The following ACAD9 variants were observed in gnomAD, a reference collection of about 807,000 sequenced individuals.
The protein encoded by ACAD9 is complex I assembly factor ACAD9, mitochondrial.
A neutral mutation model predicts 70.2 loss-of-function variants in ACAD9; 53 were observed. The observed-to-expected ratio is 0.75, with a 90% CI of 0.61 to 0.95. The LOEUF (loss-of-function observed/expected upper bound fraction) is 0.95, where lower values mean the gene tolerates loss of function less well. ACAD9 is among the 40% of genes least tolerant of loss of function. ACAD9 has a pLI of 0.00. For synonymous variants in ACAD9, 313 were observed against 312.1 expected (o/e 1.00, Z -0.03); for missense variants, 777 against 802.8 (o/e 0.97, Z 0.39).
At chr3:128,905,484 A>G (rs916581204) in intron 11 of ACAD9, among the ~76,000 whole-genome samples, 2 of 152,256 alleles carry the variant, frequency 1.3e-5, no homozygotes, top group Non-Finnish European at 2.9e-5. Flanking sequence ...AGCTTACAGA[A>G]GCAAACATCC....
intron 4 of ACAD9, among the ~76,000 whole-genome samples, chr3:128,895,657 C>A (rs1935549927): frequency 6.6e-6 from 1 of 152,192 alleles, no homozygotes; most frequent in South Asian, 2.1e-4. Context: ...GTCCCCATTG[C>A]CTCTGATCCA....
intron 5 of ACAD9, 39 bp from the exon 6 acceptor site, chr3:128,897,593 C>T: frequency 6.3e-7 from 1 of 1,586,586 alleles, no homozygotes; most frequent in South Asian, 1.1e-5. Context: ...ATATTTATTC[C>T]CAGTATTCTC....
At chr3:128,896,055 T>C (rs1365070264) in intron 4 of ACAD9, among the ~76,000 whole-genome samples, 4 of 152,230 alleles carry the variant, frequency 2.6e-5, no homozygotes, top group Non-Finnish European at 5.9e-5. Context: ...CTCCTGTGTC[T>C]TCACATTGCA....
Position 128,902,602 on chromosome 3 carries a change from T to G in ACAD9, c.932T>G (p.Val311Gly), listed in dbSNP as rs1275790197. The G allele has an allele frequency of 6.2e-7, 1 of 1,614,046 alleles. No individual in the cohort carries two copies. The highest frequency in any genetic ancestry group is 1.7e-5 in the Admixed American group (1 of 60,012). The stretch of plus-strand genomic sequence containing the variant: ...GGCCGGTTCAGCATGGGCAGCGTCG[T>G]GGCTGGGCTGCTCAAGAGATTGATT... ...NSGRFSMGSV[V>G]AGLLKRLIEM... Residue 311 changes from valine to glycine, a missense_variant, in exon 9 of 18, where the codon GTG becomes GGG. By Grantham distance (109) the Val-to-Gly change is moderately radical. Transcript: ENST00000308982. The surrounding 1 kb of genome is among the most constrained non-coding windows in gnomAD (Gnocchi z 4.0).
intron 8 of ACAD9, 71 bp downstream of exon 8, chr3:128,901,420 C>G: frequency 6.5e-7 from 1 of 1,532,866 alleles, no homozygotes; most frequent in Non-Finnish European, 9.0e-7. Flanking sequence ...CAGCTTTTGC[C>G]CTATCCCTGC....
At chr3:128,880,386 T>C (rs1426049469) in intron 1 of ACAD9, among the ~76,000 whole-genome samples, 1 of 152,102 alleles carries the variant, frequency 6.6e-6, no homozygotes, top group Non-Finnish European at 1.5e-5. Context: ...AAGACTTGGG[T>C]TTGGTCTTGG....
chr3:128,883,451 G>A (rs531392634), intron 1 of ACAD9, among the ~76,000 whole-genome samples: 2 of 151,430 alleles, frequency 1.3e-5, no homozygotes, highest in South Asian at 2.1e-4. Context: ...TCCACCTCCC[G>A]GGTTCAAGCA....
At chr3:128,898,076 T>G (rs1935617982) in intron 6 of ACAD9, among the ~76,000 whole-genome samples, 1 of 152,122 alleles carries the variant, frequency 6.6e-6, no homozygotes, top group African/African-American at 2.4e-5. Context: ...AGTCAGGTCT[T>G]GAACTCCTGA....
At chr3:128,911,766 G>A (rs572865723) in intron 17 of ACAD9, among the ~76,000 whole-genome samples, 10 of 152,340 alleles carry the variant, frequency 6.6e-5, no homozygotes, top group East Asian at 1.9e-4. Context: ...GAAGCTGCCC[G>A]GGGAAGGCTC....
intron 2 of ACAD9, among the ~76,000 whole-genome samples, chr3:128,888,605 C>T (rs1001099586): frequency 6.6e-6 from 1 of 151,986 alleles, no homozygotes; most frequent in African/African-American, 2.4e-5. Flanking sequence ...TAGTTTTGAT[C>T]CTGTGGGACC....
intron 17 of ACAD9, among the ~76,000 whole-genome samples, chr3:128,912,072 T>C (rs551719662): frequency 6.6e-6 from 1 of 152,300 alleles, no homozygotes; most frequent in South Asian, 2.1e-4. Flanking sequence ...TGTTGCCAAG[T>C]GATGGGTGTA....
At chr3:128,895,077 A>G (rs1253254107) in intron 3 of ACAD9, among the ~76,000 whole-genome samples, 2 of 151,314 alleles carry the variant, frequency 1.3e-5, no homozygotes. Context: ...GGGTTTTGCC[A>G]TGTTGGCCAG....
Position 128,908,004 on chromosome 3 carries a change from CCCT to C in ACAD9, c.1279-176_1279-174del, listed in dbSNP as rs539580641. The stretch of plus-strand genomic sequence containing the variant: ...GGAGCTCATGGCCATCTGGTCACCT[CCCT>C]CCTCATCCCTGTGCACTCCCTGAGC... On this transcript the variant is annotated intron_variant, in intron 12 of 17. Transcript: ENST00000308982. 2.6e-3 allele frequency among the ~76,000 whole-genome samples: 395 copies of C among 152,326 alleles called. 1 individual carries two copies. The highest frequency in any genetic ancestry group is 8.8e-3 in the African/African-American group (367 of 41,576).
intron 6 of ACAD9, chr3:128,898,459 G>GCAGTGCCACGATCTTGGCTCACTGCAGC (rs1935632280): frequency 2.3e-6 from 1 of 439,636 alleles, no homozygotes; most frequent in African/African-American, 2.3e-5. Context: ...AGGCTGGAGT[G>GCAGTGCCACGATCTTGGCTCACTGCAGC]CAGTGGCACG....
Position 128,906,225 on chromosome 3 carries a change from C to T in ACAD9, c.1254C>T (p.Asp418=). 1 of 1,614,188 alleles carries T rather than the reference C, an allele frequency of 6.2e-7. No individual in the cohort carries two copies. The part of the protein sequence containing the change: ...RDYPYERILR[D]TRILLIFEGT... Reference sequence around the variant, plus strand: ...ATCCGTACGAGCGCATACTGCGTGACACCCGCATCCTCCTCATCTTCGAGG... The same window carrying T: ...ATCCGTACGAGCGCATACTGCGTGATACCCGCATCCTCCTCATCTTCGAGG... The change falls in exon 12 of 18, where the codon GAC becomes GAT. Residue 418 remains aspartate (D), a synonymous_variant. Transcript: ENST00000308982.
At chr3:128,912,383 G>C in intron 17 of ACAD9, 124 bp from the exon 18 acceptor site, 1 of 789,854 alleles carries the variant, frequency 1.3e-6, no homozygotes, top group Non-Finnish European at 2.2e-6. Flanking sequence ...TGGAGGAGGG[G>C]TTCACCCTTA....
chr3:128,910,668 G>C, intron 16 of ACAD9, 73 bp from the exon 17 acceptor site: 1 of 1,545,882 alleles, frequency 6.5e-7, no homozygotes, highest in Non-Finnish European at 8.9e-7. Flanking sequence ...TTGGCTGATA[G>C]GCTGGGTTTT....
At chr3:128,891,802 CT>C (rs932933041) in intron 2 of ACAD9, among the ~76,000 whole-genome samples, 1 of 152,070 alleles carries the variant, frequency 6.6e-6, no homozygotes, top group African/African-American at 2.4e-5. Flanking sequence ...TCTCTGGCTG[CT>C]TTTCAGTGGT....
intron 6 of ACAD9, 60 bp from the exon 7 acceptor site, chr3:128,899,227 G>A: frequency 1.9e-6 from 3 of 1,575,768 alleles, no homozygotes; most frequent in Non-Finnish European, 2.6e-6. Flanking sequence ...GACAAAGACA[G>A]AGCTGAGGTG....
Sources: allele counts gnomAD v4.1 joint callset (sites outside exome capture counted in the v4.1 genomes callset), GRCh38; gene constraint gnomAD v4.1.1; non-coding constraint Gnocchi (gnomAD v3.1); transcripts MANE v1.5; gene names NCBI Gene and HGNC (gene_info 2026-07-23, HGNC 2026-07-21).